FOXO1: variants seen among roughly 807,000 people sequenced by gnomAD.
The protein encoded by FOXO1 is forkhead box O1.
Under a neutral mutation model 44.1 loss-of-function variants are expected in FOXO1, and 6 were observed. The observed-to-expected ratio is 0.14, with a 90% CI of 0.07 to 0.27. The LOEUF (loss-of-function observed/expected upper bound fraction) is 0.27, where lower values mean the gene tolerates loss of function less well. Among genes scored for constraint, FOXO1 ranks in the 10% least tolerant of loss-of-function variants. The pLI is 1.00. For missense variants in FOXO1, 737 were observed against 888.8 expected, an observed-to-expected ratio of 0.83 and a Z score of 2.17; for synonymous variants, 380 against 362.7, an observed-to-expected ratio of 1.05 and a Z score of -0.54.
chr13:40,654,313 T>TAAA (rs1877781996), intron 1 of FOXO1, among the ~76,000 whole-genome samples: 1 of 53,324 alleles, frequency 1.9e-5, no homozygotes, highest in Non-Finnish European at 3.2e-5. Context: ...TCATCTCTAC[T>TAAA]AAAAATACTA....
At chr13:40,620,997 C>A in intron 1 of FOXO1, 1 of 166,202 alleles carries the variant, frequency 6.0e-6, no homozygotes, top group African/African-American at 2.4e-5. Flanking sequence ...GGGGTTTCAC[C>A]ATGTTGGCCA....
chr13:40,646,804 GGGT>G (rs1450343318), intron 1 of FOXO1, among the ~76,000 whole-genome samples: 2 of 152,128 alleles, frequency 1.3e-5, no homozygotes, highest in East Asian at 3.9e-4. Context: ...ATGTCGGCCA[GGGT>G]GGTCTCGATC....
intron 1 of FOXO1, among the ~76,000 whole-genome samples, chr13:40,574,706 A>G (rs1874676758): frequency 6.6e-6 from 1 of 152,182 alleles, no homozygotes; most frequent in Non-Finnish European, 1.5e-5. Flanking sequence ...TTGATTACTG[A>G]GAAAACTAAT....
intron 1 of FOXO1, among the ~76,000 whole-genome samples, chr13:40,603,444 A>G (rs1484333443): frequency 1.3e-5 from 2 of 151,380 alleles, no homozygotes; most frequent in East Asian, 1.9e-4. Context: ...TACCTTATAT[A>G]TGTGTGTGTG....
intron 1 of FOXO1, among the ~76,000 whole-genome samples, chr13:40,615,963 G>A (rs764290505): frequency 6.6e-6 from 1 of 152,228 alleles, no homozygotes; most frequent in South Asian, 2.1e-4. Context: ...AGTACAGGCT[G>A]CAAGAGAAGA....
At chr13:40,574,423 G>A (rs1178534213) in intron 1 of FOXO1, among the ~76,000 whole-genome samples, 1 of 152,218 alleles carries the variant, frequency 6.6e-6, no homozygotes, top group East Asian at 1.9e-4. Flanking sequence ...AAGATTAAAT[G>A]AGAACATGTT....
chr13:40,560,264 T>G lies in FOXO1; in HGVS notation c.1227A>C (p.Pro409=), dbSNP rs768256212. 2 of 1,614,046 alleles carry G rather than the reference T, an allele frequency of 1.2e-6. No homozygotes were observed. Among genetic ancestry groups the G allele is most frequent in the Admixed American group, 1.7e-5 (1 of 60,002 alleles). The change falls in exon 2 of 3, where the codon CCA becomes CCC. Residue 409 remains proline (P), a synonymous_variant. Coordinates refer to ENST00000379561, the MANE Select transcript of FOXO1 (RefSeq NM_002015.4). The surrounding 1 kb of genome is among the most constrained non-coding windows in gnomAD (Gnocchi z 5.1). The stretch of plus-strand genomic sequence containing the variant: ...TGGGTGAATTCAAACTGGTGTTTGG[T>G]GGCGCAAACGAGTAGCACGGCGTCT... The part of the protein sequence containing the change: ...MQQTPCYSFA[P]PNTSLNSPSP...
At chr13:40,663,243 A>T (rs925433016) in intron 1 of FOXO1, among the ~76,000 whole-genome samples, 56 of 152,264 alleles carry the variant, frequency 3.7e-4, no homozygotes, top group African/African-American at 1.2e-3. Context: ...TTGCATTTTT[A>T]AAAAAATCAG....
chr13:40,654,974 TC>T (rs1877810316), intron 1 of FOXO1, among the ~76,000 whole-genome samples: 1 of 152,114 alleles, frequency 6.6e-6, no homozygotes, highest in Non-Finnish European at 1.5e-5. Flanking sequence ...TTATATAATA[TC>T]TTTACTTACA....
chr13:40,620,991 T>C (rs1876594970), intron 1 of FOXO1: 1 of 165,758 alleles, frequency 6.0e-6, no homozygotes, highest in African/African-American at 2.4e-5. Flanking sequence ...AGACATGGGG[T>C]TTCACCATGT....
intron 1 of FOXO1, among the ~76,000 whole-genome samples, chr13:40,564,450 C>T (rs973809587): frequency 1.3e-5 from 2 of 152,110 alleles, no homozygotes; most frequent in African/African-American, 4.8e-5. Flanking sequence ...GGACTTGTTA[C>T]ATAAATTCCT....
At chr13:40,579,367 C>T (rs1566066283) in intron 1 of FOXO1, among the ~76,000 whole-genome samples, 1 of 152,214 alleles carries the variant, frequency 6.6e-6, no homozygotes, top group Admixed American at 6.5e-5. Context: ...GGTCGGATTA[C>T]TCCGTGCGAA....
At chr13:40,659,824 G>T (rs1201280789) in intron 1 of FOXO1, among the ~76,000 whole-genome samples, 2 of 152,116 alleles carry the variant, frequency 1.3e-5, no homozygotes, top group Non-Finnish European at 2.9e-5. Flanking sequence ...AATGAATAAA[G>T]CAAGTTTTTA....
At chr13:40,586,736 A>C (rs1875181232) in intron 1 of FOXO1, among the ~76,000 whole-genome samples, 1 of 152,198 alleles carries the variant, frequency 6.6e-6, no homozygotes, top group Non-Finnish European at 1.5e-5. Flanking sequence ...AAATGTTACT[A>C]CTTAAACCTT....
chr13:40,597,706 G>A (rs1015837381), intron 1 of FOXO1, among the ~76,000 whole-genome samples: 2 of 152,170 alleles, frequency 1.3e-5, no homozygotes, highest in Admixed American at 6.5e-5. Flanking sequence ...GCCTTGGAAC[G>A]CTGCTGACTC....
chr13:40,631,235 C>G (rs1003416896), intron 1 of FOXO1, among the ~76,000 whole-genome samples: 1 of 152,144 alleles, frequency 6.6e-6, no homozygotes, highest in Non-Finnish European at 1.5e-5. Context: ...AGCAGACCAA[C>G]AACTAGAGCT....
intron 1 of FOXO1, among the ~76,000 whole-genome samples, chr13:40,652,691 T>C (rs1452159748): frequency 6.6e-6 from 1 of 152,164 alleles, no homozygotes; most frequent in Non-Finnish European, 1.5e-5. Context: ...CATGTCAAAA[T>C]AGAACAATAA....
chr13:40,648,526 GCATGTGCATTCAA>G (rs1877579879), intron 1 of FOXO1, among the ~76,000 whole-genome samples: 1 of 152,190 alleles, frequency 6.6e-6, no homozygotes, highest in Non-Finnish European at 1.5e-5. Flanking sequence ...TCCATAAAAA[GCATGTGCATTCAA>G]CTATACACAG....
intron 1 of FOXO1, among the ~76,000 whole-genome samples, chr13:40,626,250 C>G (rs1415202282): frequency 1.3e-5 from 2 of 152,210 alleles, no homozygotes; most frequent in African/African-American, 4.8e-5. Context: ...TTAACTAATT[C>G]CACTTCTCAA....
Sources: allele counts gnomAD v4.1 joint callset (sites outside exome capture counted in the v4.1 genomes callset), GRCh38; gene constraint gnomAD v4.1.1; non-coding constraint Gnocchi (gnomAD v3.1); transcripts MANE v1.5; gene names NCBI Gene and HGNC (gene_info 2026-07-23, HGNC 2026-07-21).